SGCG: variants seen among roughly 807,000 people sequenced by gnomAD.
SGCG encodes the protein sarcoglycan gamma.
A neutral mutation model predicts 29.3 loss-of-function variants in SGCG; 26 were observed. The ratio of observed to expected loss-of-function variants is 0.89; its 90% CI spans 0.65 to 1.23. The LOEUF (loss-of-function observed/expected upper bound fraction) is 1.23. Ranked by LOEUF, SGCG falls within the 50% of genes most tolerant of loss-of-function variation. The pLI, the probability that SGCG is intolerant of heterozygous loss-of-function variation, is 0.00. For missense variants in SGCG, 353 were observed against 356.0 expected, an observed-to-expected ratio of 0.99 and a Z score of 0.07; for synonymous variants, 145 against 129.7, an observed-to-expected ratio of 1.12 and a Z score of -0.80.
intron 1 of SGCG, among the ~76,000 whole-genome samples, chr13:23,182,548 C>T (rs921596641): frequency 2.7e-5 from 4 of 150,530 alleles, no homozygotes; most frequent in Admixed American, 1.3e-4. Flanking sequence ...GATAGTTCTA[C>T]GACGTTCTCA....
chr13:23,259,534 T>G (rs1455556817), intron 4 of SGCG, among the ~76,000 whole-genome samples: 1 of 152,194 alleles, frequency 6.6e-6, no homozygotes, highest in African/African-American at 2.4e-5. Context: ...TTTTTATGTT[T>G]CTATCTCCCT....
chr13:23,202,786 A>G (rs1409562497), intron 1 of SGCG, among the ~76,000 whole-genome samples: 2 of 152,094 alleles, frequency 1.3e-5, no homozygotes, highest in Non-Finnish European at 2.9e-5. Context: ...CCCTAAAAAT[A>G]AATGTGTGAC....
chr13:23,277,175 C>G (rs1881110799), intron 4 of SGCG, among the ~76,000 whole-genome samples: 1 of 152,072 alleles, frequency 6.6e-6, no homozygotes. Flanking sequence ...TTAATAAGGC[C>G]TCCTAGAATT....
intron 4 of SGCG, among the ~76,000 whole-genome samples, chr13:23,276,846 C>T (rs149236306): frequency 9.2e-4 from 140 of 152,358 alleles, no homozygotes; most frequent in African/African-American, 3.3e-3. Flanking sequence ...CTCATGCTTG[C>T]ATCCCAATGC....
At chr13:23,319,068 G>T (rs1473870764) in intron 6 of SGCG, among the ~76,000 whole-genome samples, 2 of 152,206 alleles carry the variant, frequency 1.3e-5, no homozygotes, top group Non-Finnish European at 2.9e-5. Flanking sequence ...GGGAGGCCAA[G>T]GCGGGTGGAT....
intron 6 of SGCG, among the ~76,000 whole-genome samples, chr13:23,298,262 A>G (rs1282813387): frequency 2.0e-5 from 3 of 152,056 alleles, no homozygotes; most frequent in East Asian, 2.0e-4. Flanking sequence ...AGGCTGAGGC[A>G]TGAGAATTGC....
At chr13:23,301,846 C>T (rs1593099892) in intron 6 of SGCG, among the ~76,000 whole-genome samples, 1 of 151,608 alleles carries the variant, frequency 6.6e-6, no homozygotes, top group East Asian at 1.9e-4. Flanking sequence ...GAGCTGAAAT[C>T]ACACCACTGC....
intron 5 of SGCG, among the ~76,000 whole-genome samples, chr13:23,281,245 T>TC (rs1881294403): frequency 6.6e-6 from 1 of 151,672 alleles, no homozygotes; most frequent in Non-Finnish European, 1.5e-5. Context: ...GAGGCTGAGG[T>TC]GGGAGGATCA....
chr13:23,211,366 G>A (rs1476234075), intron 2 of SGCG, among the ~76,000 whole-genome samples: 1 of 152,100 alleles, frequency 6.6e-6, no homozygotes, highest in Non-Finnish European at 1.5e-5. Context: ...TCTCAGGAAA[G>A]GTCCCTCCTG....
Position 23,228,262 on chromosome 13 carries a change from C to A in SGCG, c.196-6349C>A, listed in dbSNP as rs140723898. On this transcript the variant is annotated intron_variant, in intron 2 of 7. Coordinates refer to ENST00000218867, the MANE Select transcript of SGCG (RefSeq NM_000231.3). ...TAAATCTTATTGTTTGTAAATTACA[C>A]CTGAATTTGTCCGACTTGTAAAAAA... 7.8e-4 allele frequency among the ~76,000 whole-genome samples: 119 copies of A among 152,194 alleles called. 1 individual carries two copies. The highest frequency in any genetic ancestry group is 2.8e-3 in the African/African-American group (116 of 41,516).
intron 6 of SGCG, among the ~76,000 whole-genome samples, chr13:23,312,847 A>C (rs1468370781): frequency 2.7e-4 from 41 of 152,264 alleles, no homozygotes; most frequent in African/African-American, 9.9e-4. Flanking sequence ...CTCCAAAAAC[A>C]TGTATTAGGT....
At chr13:23,197,554 G>A (rs1365656576) in intron 1 of SGCG, among the ~76,000 whole-genome samples, 1 of 152,122 alleles carries the variant, frequency 6.6e-6, no homozygotes, top group East Asian at 1.9e-4. Context: ...CTAACACTCA[G>A]GTGAATCTCC....
At chr13:23,177,821 T>C (rs946585153), upstream of SGCG, among the ~76,000 whole-genome samples, 21 of 151,984 alleles carry the variant, frequency 1.4e-4, no homozygotes, top group African/African-American at 5.1e-4. Flanking sequence ...TCAAGTGATC[T>C]GCTCACCTTG....
At chr13:23,171,824 CA>C in the SGCG span, among the ~76,000 whole-genome samples, 3 of 152,180 alleles carry the variant, frequency 2.0e-5, no homozygotes, top group Non-Finnish European at 4.4e-5. Context: ...AATGCTCACT[CA>C]CCAGCCACTC....
At chr13:23,244,988 G>A (rs1002758663) in intron 3 of SGCG, 3 of 152,282 alleles carry the variant, frequency 2.0e-5, no homozygotes, top group African/African-American at 7.2e-5. Flanking sequence ...GTTTGGAAGG[G>A]GACAGAGGCC....
At chr13:23,251,646 G>A (rs546696240) in intron 4 of SGCG, among the ~76,000 whole-genome samples, 1 of 152,200 alleles carries the variant, frequency 6.6e-6, no homozygotes, top group Non-Finnish European at 1.5e-5. Context: ...GGTGGTGCAC[G>A]TCTGTAGTCG....
Position 23,203,816 on chromosome 13 carries a change from T to G in SGCG, c.122T>G (p.Leu41Arg). Residue 41 changes from leucine to arginine, a missense_variant, in exon 2 of 8, where the codon CTT becomes CGT. Coordinates refer to ENST00000218867, the MANE Select transcript of SGCG (RefSeq NM_000231.3). ...WRKRCLYLFV[L>R]LLLIILVVNL... Reference sequence around the variant, plus strand: ...AAGCGCTGTCTCTACTTGTTTGTTCTTCTTTTACTCATCATCCTCGTTGTG... The same window carrying G: ...AAGCGCTGTCTCTACTTGTTTGTTCGTCTTTTACTCATCATCCTCGTTGTG... The G allele has an allele frequency of 6.2e-7, 1 of 1,614,076 alleles. No individual in the cohort carries two copies. The highest frequency in any genetic ancestry group is 1.1e-5 in the South Asian group (1 of 91,078).
At chr13:23,262,119 G>A (rs1880460761) in intron 4 of SGCG, among the ~76,000 whole-genome samples, 1 of 151,786 alleles carries the variant, frequency 6.6e-6, no homozygotes, top group African/African-American at 2.4e-5. Context: ...CAGTCACTAG[G>A]TAACAATCAA....
At chr13:23,274,207 G>T (rs924005819) in intron 4 of SGCG, among the ~76,000 whole-genome samples, 8 of 151,728 alleles carry the variant, frequency 5.3e-5, no homozygotes, top group South Asian at 2.1e-4. Context: ...CATTACTTTT[G>T]TCCATTCCTT....
Sources: gnomAD v4.1 joint callset for allele counts (sites outside exome capture counted in the v4.1 genomes callset) on GRCh38, gnomAD v4.1.1 for gene constraint, MANE v1.5 for transcripts, NCBI Gene and HGNC (gene_info 2026-07-23, HGNC 2026-07-21) for gene names.